Variants in ADAMTSL1 observed in about 807,000 individuals in gnomAD.
The protein encoded by ADAMTSL1 is ADAMTS-like protein 1.
ADAMTSL1 carries 126 observed loss-of-function variants against 201.8 expected under a neutral mutation model. The observed-to-expected ratio is 0.62, with a 90% CI of 0.54 to 0.72. ADAMTSL1 has a LOEUF of 0.72. ADAMTSL1 is among the 30% of genes least tolerant of loss of function. The pLI is 0.00. For missense variants in ADAMTSL1, 2,679 were observed against 2,277.8 expected, an observed-to-expected ratio of 1.18 and a Z score of -3.59; for synonymous variants, 1,121 against 903.4, an observed-to-expected ratio of 1.24 and a Z score of -4.32.
rs570898097 is a variant in ADAMTSL1 at position 18,639,921 on chromosome 9, A to G, written c.834+510A>G. ...TATAAAACACATTGCTGGAAGCAACATGCACATTCTGCTGGAAAAGTGCAC... is the reference window on the plus strand; with the variant it reads ...TATAAAACACATTGCTGGAAGCAACGTGCACATTCTGCTGGAAAAGTGCAC... On this transcript the variant is annotated intron_variant, in intron 7 of 28. Transcript: ENST00000380548. 4.6e-5 allele frequency among the ~76,000 whole-genome samples: 7 copies of G among 152,274 alleles called. No individual in the cohort carries two copies. In the South Asian group the frequency reaches 1.2e-3, roughly 27 times the overall value.
chr9:18,094,569 C>T (rs139527507), intron 1 of ADAMTSL1, among the ~76,000 whole-genome samples: 4 of 152,094 alleles, frequency 2.6e-5, no homozygotes, highest in Admixed American at 2.6e-4. Flanking sequence ...CTCATTTCAT[C>T]AGGTTCGGTC....
At chr9:18,288,506 T>A (rs191921150) in intron 2 of ADAMTSL1, among the ~76,000 whole-genome samples, 1 of 152,314 alleles carries the variant, frequency 6.6e-6, no homozygotes, top group East Asian at 1.9e-4. Flanking sequence ...ATACATTACT[T>A]AGGTCATGTG....
intron 23 of ADAMTSL1, 30 bp from the exon 24 acceptor site, chr9:18,887,801 T>C (rs1307445620): frequency 2.3e-5 from 36 of 1,590,816 alleles, no homozygotes; most frequent in Non-Finnish European, 2.8e-5. Flanking sequence ...ATGGCTTTAC[T>C]AAGGCTTACT....
intron 2 of ADAMTSL1, among the ~76,000 whole-genome samples, chr9:18,220,787 T>C (rs1830228116): frequency 6.6e-6 from 1 of 152,110 alleles, no homozygotes; most frequent in East Asian, 1.9e-4. Context: ...CTAATTTTTT[T>C]TTTTTTAAAC....
chr9:18,605,833 T>A (rs1824976908), intron 4 of ADAMTSL1, among the ~76,000 whole-genome samples: 1 of 152,326 alleles, frequency 6.6e-6, no homozygotes, highest in South Asian at 2.1e-4. Flanking sequence ...AAGCTGAGTA[T>A]AAAGGTGCTT....
intron 10 of ADAMTSL1, among the ~76,000 whole-genome samples, chr9:18,679,437 G>A (rs1258539087): frequency 6.6e-6 from 1 of 152,004 alleles, no homozygotes; most frequent in Non-Finnish European, 1.5e-5. Flanking sequence ...AGAGAATTTG[G>A]CAAAGATATC....
intron 1 of ADAMTSL1, among the ~76,000 whole-genome samples, chr9:17,947,338 C>T (rs1267548528): frequency 5.4e-5 from 8 of 147,676 alleles, no homozygotes; most frequent in African/African-American, 2.0e-4. Context: ...CACACACACA[C>T]ACACACACCC....
chr9:18,388,012 A>G (rs184071314), intron 2 of ADAMTSL1, among the ~76,000 whole-genome samples: 13 of 146,656 alleles, frequency 8.9e-5, no homozygotes, highest in East Asian at 5.8e-4. Context: ...ATCTTTTTTC[A>G]TACGTAATGT....
At chr9:18,376,897 C>A (rs990583019) in intron 2 of ADAMTSL1, among the ~76,000 whole-genome samples, 1 of 152,046 alleles carries the variant, frequency 6.6e-6, no homozygotes, top group Admixed American at 6.5e-5. Flanking sequence ...ATTGCAAATA[C>A]CCTTACAAAT....
intron 1 of ADAMTSL1, among the ~76,000 whole-genome samples, chr9:18,014,543 T>G (rs141083514): frequency 6.0e-4 from 92 of 152,236 alleles, no homozygotes; most frequent in African/African-American, 2.2e-3. Flanking sequence ...CCTTATGCAT[T>G]CAAAACTGAA....
intron 9 of ADAMTSL1, among the ~76,000 whole-genome samples, chr9:18,666,611 C>T (rs1829450285): frequency 6.6e-6 from 1 of 152,100 alleles, no homozygotes; most frequent in Admixed American, 6.6e-5. Context: ...TTGTGCCTAC[C>T]ATGGTATAAG....
At chr9:18,441,833 A>C (rs544909280) in intron 2 of ADAMTSL1, among the ~76,000 whole-genome samples, 2 of 152,220 alleles carry the variant, frequency 1.3e-5, no homozygotes, top group Non-Finnish European at 1.5e-5. Flanking sequence ...GTTTTGATCT[A>C]TATTACCTGG....
intron 1 of ADAMTSL1, among the ~76,000 whole-genome samples, chr9:18,033,150 C>G (rs191806929): frequency 1.1e-4 from 17 of 152,268 alleles, no homozygotes; most frequent in Admixed American, 1.0e-3. Context: ...TAGGTCTCTT[C>G]ATTCTTCATT....
chr9:18,463,566 C>T (rs1820888679), intron 2 of ADAMTSL1, among the ~76,000 whole-genome samples: 1 of 152,108 alleles, frequency 6.6e-6, no homozygotes, highest in African/African-American at 2.4e-5. Flanking sequence ...CCTCAGGCTC[C>T]TAGCAATCAC....
chr9:18,044,331 C>G (rs1402070930), intron 1 of ADAMTSL1, among the ~76,000 whole-genome samples: 1 of 151,984 alleles, frequency 6.6e-6, no homozygotes, highest in Non-Finnish European at 1.5e-5. Context: ...AATAAAGAGG[C>G]TATTGAAACA....
intron 7 of ADAMTSL1, 91 bp downstream of exon 7, chr9:18,639,502 CAT>C (rs1307483190): frequency 2.0e-6 from 3 of 1,478,724 alleles, no homozygotes; most frequent in Non-Finnish European, 2.7e-6. Flanking sequence ...TTGGTTCTGA[CAT>C]ATGTTTGGAA....
chr9:17,997,094 C>A (rs576837452), intron 1 of ADAMTSL1, among the ~76,000 whole-genome samples: 148 of 152,164 alleles, frequency 9.7e-4, no homozygotes, highest in African/African-American at 2.9e-3. Context: ...CCATTGGTGC[C>A]ATTAGCCTTT....
At chr9:18,370,049 G>C (rs1263237655) in intron 2 of ADAMTSL1, among the ~76,000 whole-genome samples, 2 of 152,188 alleles carry the variant, frequency 1.3e-5, no homozygotes, top group Middle Eastern at 3.2e-3. Flanking sequence ...GGAGGCCGAG[G>C]CTGGTGGATC....
chr9:18,487,100 A>G lies in ADAMTSL1; in HGVS notation c.63+12805A>G, dbSNP rs192879137. 1.4e-3 allele frequency among the ~76,000 whole-genome samples: 206 copies of G among 152,356 alleles called. 1 individual carries two copies. The highest frequency in any genetic ancestry group is 4.7e-3 in the African/African-American group (196 of 41,580). On this transcript the variant is annotated intron_variant, in intron 1 of 28. Coordinates refer to ENST00000380548, the MANE Select transcript of ADAMTSL1 (RefSeq NM_001040272.6). ...TATTAATTGTGGTCTTCAGAAAATA[A>G]TCAGGCCATATCTGAAATTCCTCAA...
Sources: allele counts gnomAD v4.1 joint callset (sites outside exome capture counted in the v4.1 genomes callset), GRCh38; gene constraint gnomAD v4.1.1; transcripts MANE v1.5; gene names NCBI Gene and HGNC (gene_info 2026-07-23, HGNC 2026-07-21).